Variants in RGS7 observed in about 807,000 individuals in gnomAD.
RGS7 encodes regulator of G protein signaling 7, also known as regulator of G-protein signaling 7.
In RGS7, 27 loss-of-function variants were observed where a neutral mutation model predicts 81.1. The observed-to-expected ratio is 0.33, with a 90% CI of 0.25 to 0.46. The LOEUF (loss-of-function observed/expected upper bound fraction) is 0.46. RGS7 is among the 20% of genes least tolerant of loss of function. The pLI is 1.00. For synonymous variants in RGS7, 208 were observed against 207.7 expected (o/e 1.00, Z -0.01); for missense variants, 396 against 607.4 (o/e 0.65, Z 3.66).
intron 2 of RGS7, among the ~76,000 whole-genome samples, chr1:241,279,436 C>T (rs2078386943): frequency 6.6e-6 from 1 of 152,172 alleles, no homozygotes; most frequent in Non-Finnish European, 1.5e-5. Flanking sequence ...ATAATAATAA[C>T]ATCTGCTGAG....
intron 2 of RGS7, among the ~76,000 whole-genome samples, chr1:241,112,658 C>T (rs1045095696): frequency 1.3e-5 from 2 of 152,106 alleles, no homozygotes; most frequent in African/African-American, 4.8e-5. Flanking sequence ...GTGTAACACT[C>T]TTGGTTTACT....
chr1:241,153,300 T>TGCACTGCCTTCAAGCTGGATGCAATGTA (rs2068883716), intron 2 of RGS7, among the ~76,000 whole-genome samples: 2 of 152,332 alleles, frequency 1.3e-5, no homozygotes, highest in East Asian at 3.9e-4. Flanking sequence ...TGAGACCAAA[T>TGCACTGCCTTCAAGCTGGATGCAATGTA]GCACTGCCTT....
chr1:241,206,146 C>T (rs2073867376), intron 2 of RGS7, among the ~76,000 whole-genome samples: 1 of 151,952 alleles, frequency 6.6e-6, no homozygotes, highest in Non-Finnish European at 1.5e-5. Context: ...CTGGCCTGAA[C>T]TAATGCAACA....
chr1:241,080,469 T>C (rs2063069840), intron 3 of RGS7, among the ~76,000 whole-genome samples: 1 of 152,068 alleles, frequency 6.6e-6, no homozygotes, highest in Non-Finnish European at 1.5e-5. Flanking sequence ...GGCCTTGCAA[T>C]AGATTAACTA....
At chr1:240,842,326 G>T (rs1456711805) in intron 9 of RGS7, among the ~76,000 whole-genome samples, 1 of 150,528 alleles carries the variant, frequency 6.6e-6, no homozygotes, top group African/African-American at 2.4e-5. Context: ...AGCCTCCCGA[G>T]TAGCTGGGAT....
intron 2 of RGS7, among the ~76,000 whole-genome samples, chr1:241,213,606 C>T (rs1303885855): frequency 6.6e-6 from 1 of 151,860 alleles, no homozygotes; most frequent in East Asian, 1.9e-4. Flanking sequence ...CATTAGACCA[C>T]TTGATATATA....
chr1:240,950,830 A>G (rs1679427173), intron 4 of RGS7, among the ~76,000 whole-genome samples: 1 of 152,206 alleles, frequency 6.6e-6, no homozygotes, highest in Non-Finnish European at 1.5e-5. Flanking sequence ...GCAAACATTA[A>G]GCACGGTCCA....
At chr1:241,233,992 G>A (rs150163331) in intron 2 of RGS7, among the ~76,000 whole-genome samples, 11 of 151,954 alleles carry the variant, frequency 7.2e-5, no homozygotes, top group South Asian at 2.1e-4. Flanking sequence ...TTCTTTAATC[G>A]TGAGCACTGA....
At chr1:240,836,878 T>C (rs1295130677) in intron 9 of RGS7, among the ~76,000 whole-genome samples, 1 of 152,226 alleles carries the variant, frequency 6.6e-6, no homozygotes, top group Non-Finnish European at 1.5e-5. Context: ...TGCTACACTT[T>C]CCTAAATTTT....
chr1:241,263,929 A>T (rs1418008037), intron 2 of RGS7, among the ~76,000 whole-genome samples: 2 of 152,168 alleles, frequency 1.3e-5, no homozygotes, highest in African/African-American at 4.8e-5. Flanking sequence ...CATGCCAGTG[A>T]TTATTCAAAT....
At chr1:241,181,953 C>A (rs537436115) in intron 2 of RGS7, among the ~76,000 whole-genome samples, 4 of 152,136 alleles carry the variant, frequency 2.6e-5, no homozygotes, top group African/African-American at 7.2e-5. Context: ...CTCCTGCCCC[C>A]CAAAGTGCTG....
chr1:241,239,888 C>T (rs2076183758), intron 2 of RGS7, among the ~76,000 whole-genome samples: 1 of 152,194 alleles, frequency 6.6e-6, no homozygotes, highest in Admixed American at 6.5e-5. Flanking sequence ...TCTTTGCCTG[C>T]AGTTCAGCAA....
At chr1:241,122,375 C>G (rs12075787) in intron 2 of RGS7, among the ~76,000 whole-genome samples, 2,542 of 152,146 alleles carry the variant, frequency 0.017, 63 homozygotes, top group African/African-American at 0.059. Context: ...TTTAATACAC[C>G]TAACTGTCTG....
At chr1:240,975,424 C>A (rs1044349763) in intron 4 of RGS7, among the ~76,000 whole-genome samples, 2 of 151,782 alleles carry the variant, frequency 1.3e-5, no homozygotes, top group South Asian at 2.1e-4. Context: ...AACAAACAAA[C>A]AAAAAAACAC....
chr1:240,862,838 TC>T (rs1303116192), intron 9 of RGS7, among the ~76,000 whole-genome samples: 4 of 152,206 alleles, frequency 2.6e-5, no homozygotes, highest in African/African-American at 9.6e-5. Context: ...TCATAGTTTT[TC>T]AATTAACCTT....
At chr1:240,985,075 T>A (rs867628834) in intron 3 of RGS7, among the ~76,000 whole-genome samples, 11 of 152,246 alleles carry the variant, frequency 7.2e-5, no homozygotes, top group South Asian at 6.2e-4. Context: ...AGAAGGCAGT[T>A]GACCGTGTCC....
At chr1:240,853,287 A>T (rs1299560098) in intron 9 of RGS7, among the ~76,000 whole-genome samples, 1 of 152,260 alleles carries the variant, frequency 6.6e-6, no homozygotes, top group Non-Finnish European at 1.5e-5. Context: ...AGGGGAATAC[A>T]GACATTTTTA....
chr1:241,355,014 T>C (rs530482087), intron 2 of RGS7, among the ~76,000 whole-genome samples: 116 of 152,240 alleles, frequency 7.6e-4, no homozygotes, highest in Non-Finnish European at 1.4e-3. Flanking sequence ...TCTAAAAGTT[T>C]GTTGCCAGTA....
At chr1:240,823,730 C>T (rs1194210202) in intron 10 of RGS7, among the ~76,000 whole-genome samples, 1 of 152,106 alleles carries the variant, frequency 6.6e-6, no homozygotes, top group Non-Finnish European at 1.5e-5. Context: ...TGGTGGCCTC[C>T]CCCATGAGAT....
Sources: allele counts gnomAD v4.1 joint callset (sites outside exome capture counted in the v4.1 genomes callset), GRCh38; gene constraint gnomAD v4.1.1; transcripts MANE v1.5; gene names NCBI Gene and HGNC (gene_info 2026-07-23, HGNC 2026-07-21).